MTG1: variants seen among roughly 807,000 people sequenced by gnomAD.
MTG1 encodes mitochondrial ribosome associated GTPase 1.
Under a neutral mutation model 39.5 loss-of-function variants are expected in MTG1, and 30 were observed. The observed-to-expected ratio is 0.76, with a 90% CI of 0.57 to 1.03. The LOEUF is 1.03. Ranked by LOEUF, MTG1 falls within the 50% of genes least tolerant of loss-of-function variation. The probability of loss-of-function intolerance (pLI) is 0.00; values close to 1 mark genes in which losing one functional copy is unlikely to be tolerated. For synonymous variants in MTG1, 217 were observed against 179.0 expected, an observed-to-expected ratio of 1.21 and a Z score of -1.69; for missense variants, 513 against 447.4, an observed-to-expected ratio of 1.15 and a Z score of -1.32.
Position 133,420,014 on chromosome 10 carries a change from C to T in MTG1, c.866-12C>T, listed in dbSNP as rs1850203549. The T allele has an allele frequency of 6.2e-7, 1 of 1,600,186 alleles. No individual in the cohort carries two copies. The highest frequency in any genetic ancestry group is 8.5e-7 in the Non-Finnish European group (1 of 1,171,754). Reference sequence around the variant, plus strand: ...GAAGGCTCCTTCCTCACTGAACCCTCCCGTCCCCCAGGTAACGTGAACATT... The same window carrying T: ...GAAGGCTCCTTCCTCACTGAACCCTTCCGTCCCCCAGGTAACGTGAACATT... On this transcript the variant is annotated splice_polypyrimidine_tract_variant and intron_variant, in intron 10 of 10. Coordinates refer to ENST00000317502, the MANE Select transcript of MTG1 (RefSeq NM_138384.4).
At chr10:133,399,485 A>G (rs1030672600) in intron 5 of MTG1, 44 bp from the exon 6 acceptor site, 3 of 1,586,822 alleles carry the variant, frequency 1.9e-6, no homozygotes, top group East Asian at 2.2e-5. Context: ...CTCAGGCTCT[A>G]GCGGCCACGG....
At chr10:133,396,353 A>C in intron 3 of MTG1, 86 bp downstream of exon 3, 1 of 1,179,440 alleles carries the variant, frequency 8.5e-7, no homozygotes, top group Non-Finnish European at 1.3e-6. Context: ...TGCCGGACGC[A>C]CACTTGTCAG....
chr10:133,401,950 T>G, intron 7 of MTG1, 199 bp from the exon 8 acceptor site: 1 of 622,994 alleles, frequency 1.6e-6, no homozygotes, highest in East Asian at 2.8e-5. Flanking sequence ...CCTGACGCTT[T>G]TATTTATTCT....
rs1849743936 is a variant in MTG1 at position 133,394,219 on chromosome 10, C to T, written c.-2C>T. On this transcript the variant is annotated 5_prime_UTR_variant, in exon 1 of 11. Coordinates refer to ENST00000317502, the MANE Select transcript of MTG1 (RefSeq NM_138384.4). ...GGGAGCGTTTCCGGGGACGGTGCCGCCATGAGATTGACCCCGCGCGCGCTG... is the reference window on the plus strand; with the variant it reads ...GGGAGCGTTTCCGGGGACGGTGCCGTCATGAGATTGACCCCGCGCGCGCTG... 7 of 1,515,990 alleles carry T rather than the reference C, an allele frequency of 4.6e-6. No homozygotes were observed. The highest frequency in any genetic ancestry group is 1.2e-5 in the South Asian group (1 of 82,164). The allele number at this position is 1,515,990 out of a possible 1,614,324, so 93.9% of individuals were successfully genotyped here.
At chr10:133,400,474 T>A (rs1375558455) in intron 6 of MTG1, among the ~76,000 whole-genome samples, 1 of 152,242 alleles carries the variant, frequency 6.6e-6, no homozygotes, top group Non-Finnish European at 1.5e-5. Flanking sequence ...ATTCAAGTCC[T>A]TGTTGGCTTC....
In MTG1 at chr10:133,402,667, C is replaced by G; in HGVS notation, c.671-25C>G. Reference sequence around the variant, plus strand: ...AACATAGATGTGGCTGTTTCCAGTGCTCACCTCGGCTGCTGCTTCCACAGG... The same window carrying G: ...AACATAGATGTGGCTGTTTCCAGTGGTCACCTCGGCTGCTGCTTCCACAGG... On this transcript the variant is annotated intron_variant, in intron 8 of 10. Transcript: ENST00000317502. The surrounding 1 kb of genome is among the most constrained non-coding windows in gnomAD (Gnocchi z 4.7). 1.9e-6 allele frequency: 3 copies of G among 1,580,736 alleles called. No individual in the cohort carries two copies. The highest frequency in any genetic ancestry group is 1.8e-4 in the Middle Eastern group (1 of 5,626).
chr10:133,399,107 A>G lies in MTG1; in HGVS notation c.364-63A>G, dbSNP rs538932741. 2.2e-5 allele frequency: 35 copies of G among 1,573,748 alleles called. No homozygotes were observed. In the South Asian group the frequency reaches 3.7e-4, roughly 16 times the overall value. On this transcript the variant is annotated intron_variant, in intron 4 of 10. Transcript: ENST00000317502. Reference sequence around the variant, plus strand: ...CCTAATCCTGTTCTGAGGTGGCAGAAGGAGCGGGTCAGTGCACAGACGTCC... The same window carrying G: ...CCTAATCCTGTTCTGAGGTGGCAGAGGGAGCGGGTCAGTGCACAGACGTCC...
chr10:133,394,953 C>T (rs1849758802), intron 1 of MTG1, among the ~76,000 whole-genome samples: 1 of 152,112 alleles, frequency 6.6e-6, no homozygotes, highest in African/African-American at 2.4e-5. Flanking sequence ...TGTCCTCGGT[C>T]TTCGGATAAC....
At chr10:133,418,687 G>A (rs374193968) in intron 9 of MTG1, among the ~76,000 whole-genome samples, 34 of 152,148 alleles carry the variant, frequency 2.2e-4, no homozygotes, top group Admixed American at 5.2e-4. Flanking sequence ...GACCAGGTCC[G>A]AGGGCACCAG....
chr10:133,399,646 C>A, intron 6 of MTG1, 27 bp downstream of exon 6: 1 of 1,609,418 alleles, frequency 6.2e-7, no homozygotes. Context: ...CTGATCACCT[C>A]AGGAAAGGTA....
intron 9 of MTG1, among the ~76,000 whole-genome samples, chr10:133,407,907 A>T (rs575892430): frequency 2.0e-4 from 31 of 151,960 alleles, no homozygotes; most frequent in Non-Finnish European, 4.0e-4. Context: ...TGATTTTTTT[A>T]TGTTGGTTTT....
chr10:133,414,663 G>A (rs1314956366), intron 9 of MTG1, among the ~76,000 whole-genome samples: 2 of 151,852 alleles, frequency 1.3e-5, no homozygotes, highest in South Asian at 4.2e-4. Flanking sequence ...AGGCAGAGGG[G>A]CTCCTCACAT....
chr10:133,403,947 C>T (rs1005654562), intron 9 of MTG1, among the ~76,000 whole-genome samples: 1 of 152,072 alleles, frequency 6.6e-6, no homozygotes, highest in East Asian at 1.9e-4. Context: ...TTTGGCCTGT[C>T]TGATGGGCGG....
intron 3 of MTG1, among the ~76,000 whole-genome samples, chr10:133,397,317 C>T (rs941119183): frequency 1.3e-5 from 2 of 152,034 alleles, no homozygotes; most frequent in African/African-American, 4.8e-5. Context: ...CCTTACCTGT[C>T]ATTGGAGATG....
intron 3 of MTG1, 95 bp downstream of exon 3, chr10:133,396,362 A>G: frequency 1.8e-6 from 2 of 1,088,278 alleles, no homozygotes; most frequent in Non-Finnish European, 2.8e-6. Context: ...CACACTTGTC[A>G]GTTTGCCCAG....
At chr10:133,404,901 G>A (rs1312735053) in intron 9 of MTG1, among the ~76,000 whole-genome samples, 1 of 152,172 alleles carries the variant, frequency 6.6e-6, no homozygotes, top group Non-Finnish European at 1.5e-5. Context: ...CTGTGTGACC[G>A]ACCGTCTTGG....
rs577761455 is a variant in MTG1 at position 133,422,095 on chromosome 10, C to T, written c.*1930C>T. The T allele has an allele frequency of 5.9e-5, 9 of 152,982 alleles. 1 individual carries two copies. Among genetic ancestry groups the T allele is most frequent in the Non-Finnish European group, 1.0e-4 (7 of 68,284 alleles). 9.5% of individuals were successfully genotyped at this position (152,982 alleles called of 1,614,324 possible). A position where few individuals can be genotyped will look rare whatever the true frequency, so the allele number is the denominator to read the frequency against. On this transcript the variant is annotated 3_prime_UTR_variant, in exon 11 of 11. Coordinates refer to ENST00000317502, the MANE Select transcript of MTG1 (RefSeq NM_138384.4). The stretch of plus-strand genomic sequence containing the variant: ...GCAAGTCCTTGTCGTGACTGTCCAG[C>T]GCCACTCCATGTCTCTCCTGTCCTT...
chr10:133,403,866 G>A (rs1295657863), intron 9 of MTG1, among the ~76,000 whole-genome samples: 1 of 152,090 alleles, frequency 6.6e-6, no homozygotes, highest in African/African-American at 2.4e-5. Context: ...GTTTTCCAAG[G>A]TAGTTACACT....
chr10:133,394,364 C>G (rs932752867), intron 1 of MTG1, 32 bp downstream of exon 1: 1 of 1,439,902 alleles, frequency 6.9e-7, no homozygotes, highest in Non-Finnish European at 9.1e-7. Flanking sequence ...CAAGGTCATG[C>G]CTACGGCCGC....
Sources: allele counts gnomAD v4.1 joint callset (sites outside exome capture counted in the v4.1 genomes callset), GRCh38; gene constraint gnomAD v4.1.1; non-coding constraint Gnocchi (gnomAD v3.1); transcripts MANE v1.5; gene names NCBI Gene and HGNC (gene_info 2026-07-23, HGNC 2026-07-21).